Variants in NKAIN3 observed in about 807,000 individuals in gnomAD.
NKAIN3 encodes sodium/potassium transporting ATPase interacting 3, also known as sodium/potassium-transporting ATPase subunit beta-1-interacting protein 3.
Under a neutral mutation model 30.2 loss-of-function variants are expected in NKAIN3, and 25 were observed. That is an observed-to-expected ratio of 0.83 (90% CI 0.60 to 1.16). The LOEUF (loss-of-function observed/expected upper bound fraction) is 1.16, where lower values mean the gene tolerates loss of function less well. NKAIN3 is among the 50% of genes most tolerant of loss of function. The probability of loss-of-function intolerance (pLI) is 0.00; values close to 1 mark genes in which losing one functional copy is unlikely to be tolerated. For missense variants in NKAIN3, 225 were observed against 254.1 expected, an observed-to-expected ratio of 0.89 and a Z score of 0.78; for synonymous variants, 91 against 89.6, an observed-to-expected ratio of 1.02 and a Z score of -0.09.
intron 1 of NKAIN3, among the ~76,000 whole-genome samples, chr8:62,299,691 C>G (rs533802399): frequency 3.3e-5 from 5 of 151,810 alleles, no homozygotes; most frequent in Non-Finnish European, 7.4e-5. Context: ...TGTGTATTAC[C>G]CCAAATTTTT....
At position 62,779,554 on chromosome 8, in the gene NKAIN3, C is replaced by T. The variant is rs1344394536; in HGVS notation, c.471+32425C>T. The stretch of plus-strand genomic sequence containing the variant: ...TCCCTGTCCCAATCCCACATATTCT[C>T]TCTCTGTGGCAAGAAAGCCAAAAAA... On this transcript the variant is annotated intron_variant, in intron 4 of 6. Transcript: ENST00000623646. Among the ~76,000 whole-genome samples the T allele has an allele frequency of 3.9e-5, 6 of 152,050 alleles. No homozygotes were observed. The East Asian group carries it at 1.2e-3, about 29-fold the overall frequency.
At chr8:62,830,915 G>A (rs1041919290) in intron 4 of NKAIN3, among the ~76,000 whole-genome samples, 1 of 152,192 alleles carries the variant, frequency 6.6e-6, no homozygotes, top group Non-Finnish European at 1.5e-5. Flanking sequence ...AGGCCTGCCT[G>A]TTTCAGTCCC....
chr8:62,347,842 C>A (rs1276020922), intron 1 of NKAIN3, among the ~76,000 whole-genome samples: 1 of 152,070 alleles, frequency 6.6e-6, no homozygotes, highest in African/African-American at 2.4e-5. Flanking sequence ...TTCTTCATTT[C>A]TTCCATTCTA....
At chr8:62,631,677 T>G (rs766913622) in intron 3 of NKAIN3, among the ~76,000 whole-genome samples, 1 of 152,204 alleles carries the variant, frequency 6.6e-6, no homozygotes, top group Non-Finnish European at 1.5e-5. Context: ...CAGAGACTTC[T>G]GTTCTTTCAC....
intron 1 of NKAIN3, among the ~76,000 whole-genome samples, chr8:62,525,480 A>C (rs1808275782): frequency 6.6e-6 from 1 of 152,162 alleles, no homozygotes; most frequent in African/African-American, 2.4e-5. Flanking sequence ...CCCACTTATC[A>C]GTGAAAACAT....
chr8:62,888,800 A>G (rs187888824), intron 4 of NKAIN3, among the ~76,000 whole-genome samples: 6 of 152,306 alleles, frequency 3.9e-5, no homozygotes, highest in Admixed American at 3.9e-4. Flanking sequence ...CCACTAGAAC[A>G]ATTTTTAGTT....
At position 62,562,024 on chromosome 8, in the gene NKAIN3, C is replaced by T. The variant is rs961438106; in HGVS notation, c.55-17515C>T. The stretch of plus-strand genomic sequence containing the variant: ...TGAGGGTGTGGCTGAGATGAAAGCT[C>T]AGGGTGTTGACAGTGTATCTCCATA... On this transcript the variant is annotated intron_variant, in intron 1 of 6. Transcript: ENST00000623646. Among the ~76,000 whole-genome samples, 18 of 152,078 alleles carry T rather than the reference C, an allele frequency of 1.2e-4. 1 individual carries two copies. The highest frequency in any genetic ancestry group is 4.3e-4 in the African/African-American group (18 of 41,422).
intron 1 of NKAIN3, among the ~76,000 whole-genome samples, chr8:62,459,774 C>T (rs143662339): frequency 2.5e-3 from 380 of 152,118 alleles, no homozygotes; most frequent in Non-Finnish European, 4.2e-3. Flanking sequence ...GTGCTCAGAG[C>T]AAGCAGGCCA....
At chr8:62,950,032 C>G (rs949705574) in intron 5 of NKAIN3, among the ~76,000 whole-genome samples, 2 of 152,154 alleles carry the variant, frequency 1.3e-5, no homozygotes, top group Non-Finnish European at 2.9e-5. Context: ...ATCTTCTCTT[C>G]TCTTATCTTT....
At chr8:62,408,293 G>A (rs78248690) in intron 1 of NKAIN3, among the ~76,000 whole-genome samples, 16,828 of 151,902 alleles carry the variant, frequency 0.11, 1,379 homozygotes, top group African/African-American at 0.22. Context: ...TTTAAAGGCC[G>A]TGAAAATTTA....
At chr8:62,653,815 T>C (rs893171832) in intron 3 of NKAIN3, among the ~76,000 whole-genome samples, 8 of 152,134 alleles carry the variant, frequency 5.3e-5, no homozygotes, top group African/African-American at 9.7e-5. Flanking sequence ...ACGATCTTAT[T>C]CCAGAATTAT....
rs142411490 is a variant in NKAIN3, at chr8:62,560,752, G to A, written c.55-18787G>A. Reference sequence around the variant, plus strand: ...GATGGGGTTTCACCATGGTGGCCAGGCTGACCCTGAACTCCTGACCTCAGG... The same window carrying A: ...GATGGGGTTTCACCATGGTGGCCAGACTGACCCTGAACTCCTGACCTCAGG... On this transcript the variant is annotated intron_variant, in intron 1 of 6. Transcript: ENST00000623646. Among the ~76,000 whole-genome samples, 557 of 151,748 alleles carry A rather than the reference G, an allele frequency of 3.7e-3. 3 individuals carry two copies. The highest frequency in any genetic ancestry group is 0.011 in the South Asian group (51 of 4,792).
chr8:62,767,186 C>T (rs1395205144), intron 4 of NKAIN3, among the ~76,000 whole-genome samples: 1 of 152,180 alleles, frequency 6.6e-6, no homozygotes, highest in Non-Finnish European at 1.5e-5. Flanking sequence ...CACTATCCTC[C>T]AGGCTCTGGA....
At chr8:62,901,264 G>A (rs891963917) in intron 4 of NKAIN3, among the ~76,000 whole-genome samples, 2 of 152,048 alleles carry the variant, frequency 1.3e-5, no homozygotes, top group African/African-American at 2.4e-5. Flanking sequence ...CAGATCCTTG[G>A]TTACACAATG....
intron 4 of NKAIN3, among the ~76,000 whole-genome samples, chr8:62,914,926 G>T (rs942019679): frequency 6.6e-6 from 1 of 152,090 alleles, no homozygotes; most frequent in Non-Finnish European, 1.5e-5. Flanking sequence ...CATGCATTAG[G>T]TATTTGTCCT....
At chr8:62,284,782 CAAA>C (rs140765542) in intron 1 of NKAIN3, among the ~76,000 whole-genome samples, 1 of 150,260 alleles carries the variant, frequency 6.7e-6, no homozygotes, top group African/African-American at 2.4e-5. Context: ...AATTGAGATG[CAAA>C]AAAAAACTCT....
chr8:62,856,489 A>C (rs78409998), intron 4 of NKAIN3: 70,624 of 783,852 alleles, frequency 0.09, 5,268 homozygotes, highest in East Asian at 0.27. Context: ...CAGGTGCTTC[A>C]AGTCAAGGAA....
At chr8:62,651,880 T>C (rs1468744580) in intron 3 of NKAIN3, among the ~76,000 whole-genome samples, 1 of 152,154 alleles carries the variant, frequency 6.6e-6, no homozygotes, top group Non-Finnish European at 1.5e-5. Flanking sequence ...CTGTTCTCAC[T>C]TCACCTTCTG....
chr8:62,776,353 C>G (rs755676412), intron 4 of NKAIN3, among the ~76,000 whole-genome samples: 1 of 151,988 alleles, frequency 6.6e-6, no homozygotes, highest in Non-Finnish European at 1.5e-5. Context: ...TTGTGACCTT[C>G]TCTTTCTTCT....
Sources: allele counts gnomAD v4.1 joint callset (sites outside exome capture counted in the v4.1 genomes callset), GRCh38; gene constraint gnomAD v4.1.1; transcripts MANE v1.5; gene names NCBI Gene and HGNC (gene_info 2026-07-23, HGNC 2026-07-21).